SORCS3: variants seen among roughly 807,000 people sequenced by gnomAD.
The protein encoded by SORCS3 is VPS10 domain-containing receptor SorCS3.
Under a neutral mutation model 146.3 loss-of-function variants are expected in SORCS3, and 57 were observed. The ratio of observed to expected loss-of-function variants is 0.39; its 90% CI spans 0.31 to 0.49. SORCS3 has a LOEUF of 0.49. Ranked by LOEUF, SORCS3 falls within the 20% of genes least tolerant of loss-of-function variation. SORCS3 has a pLI of 0.92. For missense variants in SORCS3, 1,341 were observed against 1,575.5 expected, an observed-to-expected ratio of 0.85 and a Z score of 2.52; for synonymous variants, 653 against 618.5, an observed-to-expected ratio of 1.06 and a Z score of -0.83.
At chr10:104,945,875 C>T (rs2019365466) in intron 3 of SORCS3, among the ~76,000 whole-genome samples, 1 of 151,852 alleles carries the variant, frequency 6.6e-6, no homozygotes, top group Non-Finnish European at 1.5e-5. Context: ...GTTAACACTT[C>T]CAGGTGCTGT....
chr10:104,912,875 T>TC (rs1306958034), intron 2 of SORCS3, among the ~76,000 whole-genome samples: 11 of 151,286 alleles, frequency 7.3e-5, no homozygotes, highest in African/African-American at 2.4e-5. Flanking sequence ...TTGTGATTAA[T>TC]CCCCCCCGGG....
In SORCS3 at chr10:104,696,301, C is replaced by CATATAAT. The variant is rs1564661084; in HGVS notation, c.627+54351_627+54352insAATATAT. ...TGATATATGATATATATCATATACA[C>CATATAAT]ATATGATATATGATATATATCATAT... On this transcript the variant is annotated intron_variant, in intron 1 of 26. Transcript: ENST00000369701. 4.9e-4 allele frequency among the ~76,000 whole-genome samples: 53 copies of CATATAAT among 108,674 alleles called. 7 individuals carry two copies. The highest frequency in any genetic ancestry group is 1.0e-3 in the African/African-American group (24 of 24,036). 71.3% of individuals were successfully genotyped at this position (108,674 alleles called of 152,430 possible). A position where few individuals can be genotyped will look rare whatever the true frequency, so the allele number is the denominator to read the frequency against.
At chr10:104,706,431 T>A (rs1458702303) in intron 1 of SORCS3, among the ~76,000 whole-genome samples, 1 of 151,912 alleles carries the variant, frequency 6.6e-6, no homozygotes, top group African/African-American at 2.4e-5. Flanking sequence ...ATGGTCTCCA[T>A]CTCTTGACCT....
chr10:104,843,405 C>A (rs1203213477), intron 2 of SORCS3, among the ~76,000 whole-genome samples: 1 of 152,216 alleles, frequency 6.6e-6, no homozygotes, highest in Non-Finnish European at 1.5e-5. Flanking sequence ...ATTAAAAGGT[C>A]TGTTTTACCA....
intron 3 of SORCS3, among the ~76,000 whole-genome samples, chr10:104,959,058 C>T (rs1225028828): frequency 6.6e-6 from 1 of 152,102 alleles, no homozygotes; most frequent in African/African-American, 2.4e-5. Context: ...TCCCCTAGAG[C>T]CTCCAGAAAG....
intron 5 of SORCS3, among the ~76,000 whole-genome samples, chr10:105,083,315 T>C (rs568786507): frequency 1.3e-5 from 2 of 152,162 alleles, no homozygotes; most frequent in Admixed American, 6.5e-5. Flanking sequence ...CTTTACTCTT[T>C]TGCAGACATT....
chr10:105,153,588 C>T (rs1427877948), intron 9 of SORCS3, among the ~76,000 whole-genome samples: 2 of 151,748 alleles, frequency 1.3e-5, no homozygotes, highest in African/African-American at 2.4e-5. Context: ...TTCATATCTT[C>T]AGCAACACTT....
chr10:105,000,073 G>T (rs918948230), intron 4 of SORCS3, among the ~76,000 whole-genome samples: 1 of 151,886 alleles, frequency 6.6e-6, no homozygotes, highest in African/African-American at 2.4e-5. Flanking sequence ...ATGAATGAAT[G>T]AATGAATGAA....
intron 2 of SORCS3, among the ~76,000 whole-genome samples, chr10:104,898,121 G>A (rs184061044): frequency 5.3e-5 from 8 of 152,240 alleles, no homozygotes; most frequent in Admixed American, 2.0e-4. Flanking sequence ...CTAAAGTCAG[G>A]ACAACCTGTT....
intron 4 of SORCS3, among the ~76,000 whole-genome samples, chr10:105,037,312 C>T (rs1212199849): frequency 1.3e-5 from 2 of 152,188 alleles, no homozygotes; most frequent in East Asian, 3.9e-4. Context: ...CTAGTCCTGG[C>T]AGGGGGTGTG....
chr10:104,794,622 G>GGAGGGAGATAGAGAGAGAGA (rs1481811209), intron 1 of SORCS3, among the ~76,000 whole-genome samples: 1 of 41,406 alleles, frequency 2.4e-5, no homozygotes, highest in Non-Finnish European at 4.3e-5. Flanking sequence ...AGAGAGGGAG[G>GGAGGGAGATAGAGAGAGAGA]GAGAGAGAGA....
At chr10:104,797,188 C>T (rs1184033477) in intron 1 of SORCS3, among the ~76,000 whole-genome samples, 6 of 152,148 alleles carry the variant, frequency 3.9e-5, no homozygotes, top group South Asian at 2.1e-4. Context: ...ATGCAAGACT[C>T]GGGGCTAAGA....
At chr10:104,943,648 C>CATCT (rs1277148049) in intron 3 of SORCS3, among the ~76,000 whole-genome samples, 1 of 152,026 alleles carries the variant, frequency 6.6e-6, no homozygotes. Flanking sequence ...CCCCCACTCT[C>CATCT]ATCTATTGAT....
In SORCS3 at chr10:105,256,914, A is replaced by G; in HGVS notation, c.3433A>G (p.Lys1145Glu). Residue 1145 changes from lysine (K) to glutamate (E), a missense_variant, in exon 25 of 27, where the codon AAG (lysine) becomes GAG (glutamate). By Grantham distance (56) the Lys-to-Glu change is moderately conservative. Transcript: ENST00000369701. Reference sequence around the variant, plus strand: ...TGGCCTGGCTGTGTTTTTGATCTACAAGTTTAAAAGGTATGTCCTATTATC... The same window carrying G: ...TGGCCTGGCTGTGTTTTTGATCTACGAGTTTAAAAGGTATGTCCTATTATC... The part of the protein sequence containing the change: ...FVGLAVFLIY[K>E]FKRKIPWINI... 1 of 1,612,404 alleles carries G rather than the reference A, an allele frequency of 6.2e-7. No individual in the cohort carries two copies. The highest frequency in any genetic ancestry group is 8.5e-7 in the Non-Finnish European group (1 of 1,178,430).
chr10:105,164,315 C>T lies in SORCS3; in HGVS notation c.1745C>T (p.Pro582Leu), dbSNP rs530092103. 2.7e-5 allele frequency: 43 copies of T among 1,613,244 alleles called. 1 individual carries two copies. Among genetic ancestry groups the T allele is most frequent in the East Asian group, 8.9e-5 (4 of 44,842 alleles). Residue 582 changes from proline to leucine, a missense_variant, in exon 12 of 27, where the codon CCG becomes CTG. Transcript: ENST00000369701. ...GCTTATGTTTCAGGCAACATTGGCC[C>T]GGAGCTCTCATATACTGATATTGGT... is the stretch of plus-strand genomic sequence containing the variant. ...GLVVATGNIG[P>L]ELSYTDIGVF...
chr10:104,878,069 A>T (rs1012188658), intron 2 of SORCS3, among the ~76,000 whole-genome samples: 10 of 152,138 alleles, frequency 6.6e-5, no homozygotes, highest in Non-Finnish European at 1.5e-4. Flanking sequence ...AGATTCTTCA[A>T]TTGCATTTGT....
At chr10:105,261,573 T>C (rs2056960704) in intron 25 of SORCS3, among the ~76,000 whole-genome samples, 1 of 151,930 alleles carries the variant, frequency 6.6e-6, no homozygotes, top group African/African-American at 2.4e-5. Flanking sequence ...TGCAAAGGAG[T>C]CTCCCGAGGC....
chr10:105,174,991 TC>T (rs1424317662), intron 13 of SORCS3, among the ~76,000 whole-genome samples: 1 of 152,160 alleles, frequency 6.6e-6, no homozygotes, highest in African/African-American at 2.4e-5. Flanking sequence ...GACGACTCCT[TC>T]CCTGCAATGC....
chr10:105,148,606 G>A (rs2119470525), intron 9 of SORCS3, among the ~76,000 whole-genome samples: 2 of 152,146 alleles, frequency 1.3e-5, no homozygotes, highest in Middle Eastern at 6.8e-3. Context: ...CCAGTAACCA[G>A]TGGCCACACC....
Sources: gnomAD v4.1 joint callset for allele counts (sites outside exome capture counted in the v4.1 genomes callset) on GRCh38, gnomAD v4.1.1 for gene constraint, MANE v1.5 for transcripts, NCBI Gene and HGNC (gene_info 2026-07-23, HGNC 2026-07-21) for gene names.